The following MILR1 variants were observed in gnomAD, a reference collection of about 807,000 sequenced individuals.
MILR1 encodes allergin-1.
A neutral mutation model predicts 18.5 loss-of-function variants in MILR1; 31 were observed. The observed-to-expected ratio is 1.68, with a 90% CI of 1.26 to 2.26. The LOEUF (loss-of-function observed/expected upper bound fraction) is 2.26, where lower values mean the gene tolerates loss of function less well. MILR1 is among the 30% of genes most tolerant of loss of function. The pLI is 0.00. For missense variants in MILR1, 257 were observed against 157.4 expected (o/e 1.63, Z -3.38); for synonymous variants, 85 against 56.2 (o/e 1.51, Z -2.30).
chr17:64,496,699 A>C, the MILR1 span: 1 of 1,613,966 alleles, frequency 6.2e-7, no homozygotes, highest in Non-Finnish European at 8.5e-7. Context: ...CACTCAGAAG[A>C]GAATCCCGGC....
chr17:64,493,555 G>A, the MILR1 span, among the ~76,000 whole-genome samples: 1 of 152,096 alleles, frequency 6.6e-6, no homozygotes, highest in Admixed American at 6.5e-5. Context: ...CAGGGTCTCG[G>A]CTCATTGCAA....
chr17:64,466,811 C>T, intron 8 of MILR1, 149 bp downstream of exon 8: 2 of 642,610 alleles, frequency 3.1e-6, no homozygotes, highest in Non-Finnish European at 5.3e-6. Flanking sequence ...AACCAGCACC[C>T]CAGCTCCTAA....
downstream of MILR1, among the ~76,000 whole-genome samples, chr17:64,472,155 A>C (rs2037695292): frequency 6.6e-6 from 1 of 152,124 alleles, no homozygotes. Context: ...AACATTTAAA[A>C]ATTACATTTA....
chr17:64,488,865 G>A, the MILR1 span, among the ~76,000 whole-genome samples: 1 of 152,088 alleles, frequency 6.6e-6, no homozygotes, highest in South Asian at 2.1e-4. Flanking sequence ...CTACTCAGGA[G>A]GCTGAGGCAG....
intron 5 of MILR1, among the ~76,000 whole-genome samples, chr17:64,464,147 G>T (rs1269141466): frequency 1.4e-4 from 19 of 135,090 alleles, no homozygotes; most frequent in Non-Finnish European, 2.3e-4. Context: ...TTTGAGACAG[G>T]ATCTCACTTC....
At chr17:64,455,443 ATTCACTC>A (rs2037269822) in intron 3 of MILR1, among the ~76,000 whole-genome samples, 2 of 151,850 alleles carry the variant, frequency 1.3e-5, no homozygotes, top group East Asian at 3.9e-4. Flanking sequence ...TTAATCACTG[ATTCACTC>A]ATCAAAAAAA....
At chr17:64,491,379 G>C in the MILR1 span, 5 of 569,578 alleles carry the variant, frequency 8.8e-6, no homozygotes, top group East Asian at 1.3e-4. Flanking sequence ...GGGATCACTT[G>C]AGCTTAGGAC....
chr17:64,477,871 T>C, the MILR1 span: 1 of 1,611,632 alleles, frequency 6.2e-7, no homozygotes. Context: ...AGTCTTTTAA[T>C]TTGGATATAT....
At chr17:64,478,790 G>A in the MILR1 span, among the ~76,000 whole-genome samples, 7 of 151,924 alleles carry the variant, frequency 4.6e-5, 1 homozygote, top group African/African-American at 1.5e-4. Flanking sequence ...CCAGCTACTC[G>A]GGAGGCTGAG....
At chr17:64,455,675 T>C (rs2037279636) in intron 3 of MILR1, among the ~76,000 whole-genome samples, 1 of 149,496 alleles carries the variant, frequency 6.7e-6, no homozygotes, top group Non-Finnish European at 1.5e-5. Flanking sequence ...TTAGCCAGGA[T>C]GGTCTCAATC....
chr17:64,474,775 C>T, the MILR1 span, among the ~76,000 whole-genome samples: 151 of 152,158 alleles, frequency 9.9e-4, no homozygotes, highest in Admixed American at 1.2e-3. Context: ...AATGAGCATT[C>T]CTAGTATCCA....
the MILR1 span, chr17:64,490,793 T>A: frequency 6.2e-7 from 1 of 1,608,430 alleles, no homozygotes; most frequent in Non-Finnish European, 8.5e-7. Context: ...AGGTAAAACA[T>A]ACATGTAATT....
At chr17:64,452,342 C>T (rs1258445655) in intron 2 of MILR1, among the ~76,000 whole-genome samples, 1 of 152,104 alleles carries the variant, frequency 6.6e-6, no homozygotes, top group African/African-American at 2.4e-5. Flanking sequence ...CAACCTCCGC[C>T]TCCCTAGTTC....
At chr17:64,461,496 G>A (rs1385867331) in intron 5 of MILR1, among the ~76,000 whole-genome samples, 1 of 151,984 alleles carries the variant, frequency 6.6e-6, no homozygotes, top group Non-Finnish European at 1.5e-5. Flanking sequence ...TGATCCACCT[G>A]CCTCAGTTTC....
the MILR1 span, chr17:64,497,146 C>T: frequency 5.8e-6 from 4 of 690,632 alleles, no homozygotes; most frequent in South Asian, 1.6e-5. Context: ...AGCCGTCCCC[C>T]GCCCACCATG....
the MILR1 span, among the ~76,000 whole-genome samples, chr17:64,495,870 G>C: frequency 6.6e-6 from 1 of 151,958 alleles, no homozygotes; most frequent in African/African-American, 2.4e-5. Flanking sequence ...CGTCACGGCC[G>C]GCTAATTTTT....
the MILR1 span, chr17:64,480,316 T>G: frequency 1.8e-5 from 28 of 1,585,820 alleles, no homozygotes; most frequent in Non-Finnish European, 2.2e-5. Context: ...CAATGAGGAC[T>G]GCATAGTTTC....
the MILR1 span, among the ~76,000 whole-genome samples, chr17:64,482,629 A>G: frequency 6.6e-6 from 1 of 152,226 alleles, no homozygotes; most frequent in Non-Finnish European, 1.5e-5. Context: ...AAAACATTTT[A>G]AAAAGCAAAT....
the MILR1 span, chr17:64,491,472 G>T: frequency 8.8e-7 from 1 of 1,130,944 alleles, no homozygotes; most frequent in South Asian, 1.3e-5. Context: ...ATTGTGCAAC[G>T]GCAGTCCAGC....
Sources: gnomAD v4.1 joint callset for allele counts (sites outside exome capture counted in the v4.1 genomes callset) on GRCh38, gnomAD v4.1.1 for gene constraint, MANE v1.5 for transcripts, NCBI Gene and HGNC (gene_info 2026-07-23, HGNC 2026-07-21) for gene names.